The following SLC16A12 variants were observed in gnomAD, a reference collection of about 807,000 sequenced individuals.
SLC16A12 encodes solute carrier family 16 member 12, also known as monocarboxylate transporter 12.
In SLC16A12, 17 loss-of-function variants were observed where a neutral mutation model predicts 42.4. That is an observed-to-expected ratio of 0.40 (90% CI 0.27 to 0.60). The LOEUF is 0.60. Ranked by LOEUF, SLC16A12 falls within the 20% of genes least tolerant of loss-of-function variation. The pLI, the probability that SLC16A12 is intolerant of heterozygous loss-of-function variation, is 0.42. For missense variants in SLC16A12, 544 were observed against 623.0 expected (o/e 0.87, Z 1.35); for synonymous variants, 224 against 229.4 (o/e 0.98, Z 0.21).
rs778308547 is a variant in SLC16A12 at position 89,443,828 on chromosome 10, T to C, written c.232A>G (p.Thr78Ala). ...CISIFFVEFQ[T>A]YFTQDYAQTA... is the part of the protein sequence containing the mutation. Reference sequence around the variant, plus strand: ...TGTGCGTAATCCTGAGTGAAGTATGTCTGGAACTCCACAAAAAAAATTGAG... The same window carrying C: ...TGTGCGTAATCCTGAGTGAAGTATGCCTGGAACTCCACAAAAAAAATTGAG... The change falls in exon 4 of 8, where the codon ACA becomes GCA. Residue 78 changes from threonine (T) to alanine (A), a missense_variant. Physicochemically the swap from Thr to Ala is moderately conservative, Grantham distance 58. Transcript: ENST00000371790. 2.5e-6 allele frequency: 4 copies of C among 1,613,750 alleles called. No individual in the cohort carries two copies. The highest frequency in any genetic ancestry group is 1.3e-5 in the African/African-American group (1 of 75,058).
upstream of SLC16A12, among the ~76,000 whole-genome samples, chr10:89,535,710 G>C (rs1843647032): frequency 6.6e-6 from 1 of 151,628 alleles, no homozygotes; most frequent in Admixed American, 6.6e-5. Context: ...CAGCCCTGGC[G>C]GTAGCGCGCG....
intron 4 of SLC16A12, 55 bp downstream of exon 4, chr10:89,443,701 T>C: frequency 8.1e-7 from 1 of 1,234,592 alleles, no homozygotes; most frequent in Non-Finnish European, 1.2e-6. Context: ...AATGTCATTG[T>C]CATATACAGT....
At chr10:89,519,575 A>AG (rs953493807) in intron 2 of SLC16A12, among the ~76,000 whole-genome samples, 2 of 152,058 alleles carry the variant, frequency 1.3e-5, no homozygotes, top group Admixed American at 1.3e-4. Context: ...GCCTCTTGAG[A>AG]GGGAACTCAC....
intron 2 of SLC16A12, among the ~76,000 whole-genome samples, chr10:89,493,660 T>C (rs2133810487): frequency 6.6e-6 from 1 of 152,354 alleles, no homozygotes; most frequent in South Asian, 2.1e-4. Flanking sequence ...CTAAGAGAGC[T>C]GTCAAACTCC....
upstream of SLC16A12, among the ~76,000 whole-genome samples, chr10:89,536,767 A>AT (rs1334343078): frequency 6.6e-6 from 1 of 152,104 alleles, no homozygotes; most frequent in African/African-American, 2.4e-5. Context: ...CAGAATCTGC[A>AT]TTTTTTGCAA....
chr10:89,468,324 C>T (rs1321681957), intron 2 of SLC16A12, among the ~76,000 whole-genome samples: 1 of 152,188 alleles, frequency 6.6e-6, no homozygotes, highest in Non-Finnish European at 1.5e-5. Flanking sequence ...ACTCGATCCT[C>T]ACCATCCTCA....
At chr10:89,492,565 C>T (rs1290958649) in intron 2 of SLC16A12, among the ~76,000 whole-genome samples, 1 of 152,062 alleles carries the variant, frequency 6.6e-6, no homozygotes, top group Non-Finnish European at 1.5e-5. Context: ...GTGGAGAAAC[C>T]CCGTCTCTAC....
At chr10:89,533,096 A>G (rs1843584577) in intron 2 of SLC16A12, among the ~76,000 whole-genome samples, 1 of 152,208 alleles carries the variant, frequency 6.6e-6, no homozygotes, top group Admixed American at 6.5e-5. Flanking sequence ...ACTTACAGTA[A>G]AATGTCAGCT....
chr10:89,534,336 T>C (rs1843611103), intron 2 of SLC16A12, among the ~76,000 whole-genome samples, 165 bp downstream of exon 2: 1 of 152,096 alleles, frequency 6.6e-6, no homozygotes, highest in Non-Finnish European at 1.5e-5. Flanking sequence ...CTTACACCTG[T>C]GGAGCGAATG....
intron 2 of SLC16A12, among the ~76,000 whole-genome samples, chr10:89,524,457 C>T (rs1403831745): frequency 4.6e-5 from 7 of 152,236 alleles, no homozygotes; most frequent in Non-Finnish European, 1.0e-4. Context: ...CGAAGATGAG[C>T]AGTGCTTTCA....
chr10:89,452,873 G>A (rs1332218447), intron 3 of SLC16A12, among the ~76,000 whole-genome samples: 1 of 152,134 alleles, frequency 6.6e-6, no homozygotes, highest in African/African-American at 2.4e-5. Flanking sequence ...TTGGCGGTGG[G>A]TGCCCCCTCT....
chr10:89,453,782 A>C (rs1842134157), intron 3 of SLC16A12, among the ~76,000 whole-genome samples: 1 of 152,084 alleles, frequency 6.6e-6, no homozygotes. Flanking sequence ...TTCTCAGTGG[A>C]AGCACTATTG....
chr10:89,522,717 C>T lies in SLC16A12; in HGVS notation c.-47+11784G>A, dbSNP rs186619416. 9.4e-4 allele frequency among the ~76,000 whole-genome samples: 143 copies of T among 152,300 alleles called. 1 individual carries two copies. Among genetic ancestry groups the T allele is most frequent in the African/African-American group, 3.3e-3 (139 of 41,566 alleles). On this transcript the variant is annotated intron_variant, in intron 2 of 7. Coordinates refer to ENST00000371790, the MANE Select transcript of SLC16A12 (RefSeq NM_213606.4). ...ACAGCTTTGCATCCTGGTTCTGCCT[C>T]TTAGTCACTCTATAACCTCAGACAA...
intron 2 of SLC16A12, among the ~76,000 whole-genome samples, chr10:89,477,674 A>C (rs933856774): frequency 1.3e-5 from 2 of 152,216 alleles, no homozygotes; most frequent in African/African-American, 4.8e-5. Context: ...TATAAAGACA[A>C]TAAGTAAAAT....
chr10:89,512,737 CT>C (rs1327342687), intron 2 of SLC16A12, among the ~76,000 whole-genome samples: 2 of 152,182 alleles, frequency 1.3e-5, no homozygotes, highest in Non-Finnish European at 2.9e-5. Context: ...TAATAAACTG[CT>C]AATCTAGTAA....
chr10:89,459,903 T>C (rs528314975), intron 3 of SLC16A12, among the ~76,000 whole-genome samples: 1 of 152,350 alleles, frequency 6.6e-6, no homozygotes, highest in East Asian at 1.9e-4. Context: ...ATCACGCCAC[T>C]GCACTTCCGC....
intron 2 of SLC16A12, among the ~76,000 whole-genome samples, chr10:89,550,450 C>T (rs1413032125): frequency 6.6e-6 from 1 of 152,134 alleles, no homozygotes; most frequent in East Asian, 1.9e-4. Flanking sequence ...ATCCGGGAGG[C>T]GGAGGTTGCA....
chr10:89,520,812 T>C (rs7080943), intron 2 of SLC16A12, among the ~76,000 whole-genome samples: 36,888 of 151,508 alleles, frequency 0.24, 5,044 homozygotes, highest in Middle Eastern at 0.33. Context: ...ATGTTTCAGA[T>C]CTCAGCTTAA....
intron 2 of SLC16A12, among the ~76,000 whole-genome samples, chr10:89,530,877 A>C (rs550142105): frequency 2.1e-4 from 32 of 152,208 alleles, no homozygotes; most frequent in African/African-American, 6.7e-4. Flanking sequence ...CTTTTTGTTC[A>C]TATGCATTTG....
Sources: allele counts gnomAD v4.1 joint callset (sites outside exome capture counted in the v4.1 genomes callset), GRCh38; gene constraint gnomAD v4.1.1; transcripts MANE v1.5; gene names NCBI Gene and HGNC (gene_info 2026-07-23, HGNC 2026-07-21).